Variants in PFKFB1 observed in about 807,000 individuals in gnomAD.
The protein encoded by PFKFB1 is 6-phosphofructo-2-kinase/fructose-2,6-bisphosphatase 1.
A neutral mutation model predicts 46.4 loss-of-function variants in PFKFB1; 34 were observed. That is an observed-to-expected ratio of 0.73 (90% CI 0.56 to 0.98). The LOEUF (loss-of-function observed/expected upper bound fraction) is 0.98. Among genes scored for constraint, PFKFB1 ranks in the 50% least tolerant of loss-of-function variants. The pLI, the probability that PFKFB1 is intolerant of heterozygous loss-of-function variation, is 0.00. For missense variants in PFKFB1, 393 were observed against 376.3 expected, an observed-to-expected ratio of 1.04 and a Z score of -0.37; for synonymous variants, 119 against 133.8, an observed-to-expected ratio of 0.89 and a Z score of 0.76.
Position 54,959,824 on chromosome X carries a change from T to G in PFKFB1, c.384+3A>C, listed in dbSNP as rs367684982. On this transcript the variant is annotated splice_donor_region_variant and intron_variant, in intron 4 of 13. Coordinates refer to ENST00000375006, the MANE Select transcript of PFKFB1 (RefSeq NM_002625.4). ...CCAAGGAAAAAATAAAAAATTTCTTTACCGCAACATGACCTTCCTCATGGC... is the reference window on the plus strand; with the variant it reads ...CCAAGGAAAAAATAAAAAATTTCTTGACCGCAACATGACCTTCCTCATGGC... 1.7e-6 allele frequency: 2 copies of G among 1,193,437 alleles called. No homozygotes were observed. Among genetic ancestry groups the G allele is most frequent in the African/African-American group, 3.5e-5 (2 of 57,073 alleles).
Position 54,949,083 on chromosome X carries a change from T to A in PFKFB1, c.985A>T (p.Ile329Phe), listed in dbSNP as rs956391574. ...PYEQWKALNE[I>F]DAGVCEEMTY... The stretch of plus-strand genomic sequence containing the variant: ...CACCCCATGCATCTCACCGCATCAA[T>A]CTCATTCAGGGCCTTCCACTGCTCA... Residue 329 changes from isoleucine (I) to phenylalanine (F), a missense_variant, in exon 9 of 14, where the codon ATT (isoleucine) becomes TTT (phenylalanine). Physicochemically the swap from Ile to Phe is conservative, Grantham distance 21 (BLOSUM62 0). Transcript: ENST00000375006. 1.7e-6 allele frequency: 2 copies of A among 1,208,996 alleles called. No individual in the cohort carries two copies. Among genetic ancestry groups the A allele is most frequent in the African/African-American group, 3.5e-5 (2 of 57,033 alleles).
chrX:54,948,603 C>T (rs921262881), intron 9 of PFKFB1, among the ~76,000 whole-genome samples: 3 of 111,896 alleles, frequency 2.7e-5, no homozygotes, highest in African/African-American at 9.8e-5. Flanking sequence ...CCTTCAATCC[C>T]CTGAAATTGC....
At chrX:54,968,871 C>G (rs1176215700) in intron 1 of PFKFB1, among the ~76,000 whole-genome samples, 1 of 110,993 alleles carries the variant, frequency 9.0e-6, no homozygotes, top group East Asian at 2.8e-4. Context: ...TCAACTTACT[C>G]TGTGAGGCCA....
intron 1 of PFKFB1, among the ~76,000 whole-genome samples, chrX:54,976,026 T>C (rs985488103): frequency 7.2e-5 from 8 of 111,526 alleles, no homozygotes; most frequent in African/African-American, 1.9e-4. Context: ...AAATATTGGA[T>C]ATGCCAATTA....
chrX:54,995,047 G>C (rs1325980030), upstream of PFKFB1: 1 of 130,372 alleles, frequency 7.7e-6, no homozygotes, highest in African/African-American at 3.2e-5. Flanking sequence ...GCAGGGAACA[G>C]AGAGCAATGG....
At chrX:54,938,901 C>G (rs1439208974) in intron 10 of PFKFB1, among the ~76,000 whole-genome samples, 1 of 111,780 alleles carries the variant, frequency 8.9e-6, no homozygotes, top group Non-Finnish European at 1.9e-5. Context: ...TAATAGACAT[C>G]TACAGAACTC....
intron 6 of PFKFB1, among the ~76,000 whole-genome samples, chrX:54,957,443 G>A (rs963684178): frequency 1.8e-5 from 2 of 110,630 alleles, no homozygotes; most frequent in African/African-American, 6.6e-5. Flanking sequence ...CTCAAGGGAA[G>A]GACTCTCCAC....
chrX:54,969,705 A>C (rs1472926583), intron 1 of PFKFB1, among the ~76,000 whole-genome samples: 1 of 112,021 alleles, frequency 8.9e-6, no homozygotes, highest in East Asian at 2.8e-4. Context: ...GACAGACTAA[A>C]TGCTTTCTCT....
intron 1 of PFKFB1, among the ~76,000 whole-genome samples, chrX:54,992,312 C>T (rs770210222): frequency 1.2e-4 from 14 of 112,144 alleles, no homozygotes; most frequent in African/African-American, 3.2e-4. Flanking sequence ...ACAATTACTG[C>T]GTATGTACTA....
intron 1 of PFKFB1, among the ~76,000 whole-genome samples, chrX:54,986,876 G>C (rs1935126637): frequency 9.0e-6 from 1 of 110,738 alleles, no homozygotes; most frequent in Admixed American, 9.6e-5. Flanking sequence ...TAATAACAGA[G>C]AGAACTTTGG....
intron 1 of PFKFB1, among the ~76,000 whole-genome samples, chrX:54,988,923 G>A (rs1935171824): frequency 8.9e-6 from 1 of 112,190 alleles, no homozygotes; most frequent in Admixed American, 9.4e-5. Context: ...TTGTGACTTT[G>A]CATGCTACAA....
intron 10 of PFKFB1, among the ~76,000 whole-genome samples, chrX:54,940,690 T>A (rs778449502): frequency 2.2e-4 from 24 of 111,353 alleles, no homozygotes; most frequent in African/African-American, 7.2e-4. Context: ...ACAAGGGATG[T>A]GAAGGACCTC....
chrX:54,996,084 G>A (rs1397323552), upstream of PFKFB1, among the ~76,000 whole-genome samples: 1 of 112,077 alleles, frequency 8.9e-6, no homozygotes, highest in Non-Finnish European at 1.9e-5. Flanking sequence ...TTTCTCCCAG[G>A]CCAGGGCTTT....
rs758103854 is a variant in PFKFB1 at position 54,951,345 on chromosome X, G to A, written c.846+560C>T. The stretch of plus-strand genomic sequence containing the variant: ...TGGGAGGGAGGAGAGGATGGGGAGG[G>A]CTTCCTGGAGCAGGTGCTGGGCCTT... On this transcript the variant is annotated intron_variant, in intron 8 of 13. Coordinates refer to ENST00000375006, the MANE Select transcript of PFKFB1 (RefSeq NM_002625.4). Among the ~76,000 whole-genome samples, 3 of 112,306 alleles carry A rather than the reference G, an allele frequency of 2.7e-5. 1 individual carries two copies. In the South Asian group the frequency reaches 1.1e-3, roughly 42 times the overall value.
At chrX:54,940,334 G>A (rs1301174987) in intron 10 of PFKFB1, among the ~76,000 whole-genome samples, 1 of 111,614 alleles carries the variant, frequency 9.0e-6, no homozygotes, top group Non-Finnish European at 1.9e-5. Flanking sequence ...ACTGGCACAA[G>A]ACAGGGATGC....
rs769888987 is a variant in PFKFB1 at position 54,937,731 on chromosome X, G to A, written c.1099-7C>T. 4.8e-5 allele frequency: 57 copies of A among 1,199,462 alleles called. No individual in the cohort carries two copies. Among genetic ancestry groups the A allele is most frequent in the East Asian group, 3.9e-4 (13 of 33,676 alleles). On this transcript the variant is annotated splice_region_variant and splice_polypyrimidine_tract_variant and intron_variant, in intron 10 of 13. Transcript: ENST00000375006. ...GAACCAGATCCTCATAGGACTAAAC[G>A]TAAGAGAGATACTTGAGTGAGAAAG...
chrX:54,949,318 G>T, intron 8 of PFKFB1, 97 bp from the exon 9 acceptor site: 1 of 648,298 alleles, frequency 1.5e-6, no homozygotes, highest in Non-Finnish European at 2.3e-6. Flanking sequence ...GCCACAAATT[G>T]AGTGGTGATG....
chrX:54,950,043 G>A (rs1382687333), intron 8 of PFKFB1, among the ~76,000 whole-genome samples: 1 of 111,759 alleles, frequency 8.9e-6, no homozygotes, highest in African/African-American at 3.3e-5. Context: ...TGGCAGCACC[G>A]AGGGGAACCA....
chrX:54,958,778 C>A, intron 5 of PFKFB1, 73 bp downstream of exon 5: 1 of 696,948 alleles, frequency 1.4e-6, no homozygotes, highest in Non-Finnish European at 2.2e-6. Context: ...CGCTCTGAGT[C>A]CCCTGGTTTG....
Sources: gnomAD v4.1 joint callset for allele counts (sites outside exome capture counted in the v4.1 genomes callset) on GRCh38, gnomAD v4.1.1 for gene constraint, MANE v1.5 for transcripts, NCBI Gene and HGNC (gene_info 2026-07-23, HGNC 2026-07-21) for gene names.